Variants in WRNIP1 observed in about 807,000 individuals in gnomAD.
WRNIP1 encodes ATPase WRNIP1.
A neutral mutation model predicts 56.1 loss-of-function variants in WRNIP1; 41 were observed. The observed-to-expected ratio is 0.73, with a 90% CI of 0.57 to 0.95. The LOEUF is 0.95. Among genes scored for constraint, WRNIP1 ranks in the 40% least tolerant of loss-of-function variants. The pLI is 0.00. For synonymous variants in WRNIP1, 547 were observed against 398.1 expected (o/e 1.37, Z -4.45); for missense variants, 1,170 against 939.4 (o/e 1.25, Z -3.21).
At chr6:2,771,768 G>A (rs1343386321) in intron 3 of WRNIP1, among the ~76,000 whole-genome samples, 1 of 152,184 alleles carries the variant, frequency 6.6e-6, no homozygotes, top group Non-Finnish European at 1.5e-5. Flanking sequence ...ATACTCATGT[G>A]TAGGTTTCCC....
rs1215434430 is a variant in WRNIP1 at position 2,786,568 on chromosome 6, T to C, written c.*1286T>C. On this transcript the variant is annotated 3_prime_UTR_variant, in exon 7 of 7. Coordinates refer to ENST00000380773, the MANE Select transcript of WRNIP1 (RefSeq NM_020135.3). ...GGCACAGGTGGCATGTACCCTCTAG[T>C]AGCTTTATGGAGCAGGGGTGTGTGG... 6 of 152,280 alleles carry C rather than the reference T, an allele frequency of 3.9e-5. No homozygotes were observed. The highest frequency in any genetic ancestry group is 1.4e-4 in the African/African-American group (6 of 41,446). 9.4% of individuals were successfully genotyped at this position (152,280 alleles called of 1,614,324 possible).
chr6:2,774,492 C>T (rs980417328), intron 3 of WRNIP1, among the ~76,000 whole-genome samples: 1 of 152,200 alleles, frequency 6.6e-6, no homozygotes, highest in Non-Finnish European at 1.5e-5. Context: ...TGTGTCCTTA[C>T]GTCTTCTCTT....
At chr6:2,777,190 A>G (rs1051076152) in intron 3 of WRNIP1, among the ~76,000 whole-genome samples, 2 of 152,216 alleles carry the variant, frequency 1.3e-5, no homozygotes, top group African/African-American at 4.8e-5. Flanking sequence ...TATAATTTAT[A>G]AGAAGTAAAG....
At chr6:2,772,548 GA>G (rs1418103675) in intron 3 of WRNIP1, among the ~76,000 whole-genome samples, 20 of 152,206 alleles carry the variant, frequency 1.3e-4, no homozygotes, top group African/African-American at 4.8e-4. Flanking sequence ...CAGCATAAGG[GA>G]TAATTACCCA....
intron 3 of WRNIP1, chr6:2,774,305 A>ACTGGGTGG: frequency 1.0e-6 from 1 of 984,526 alleles, no homozygotes; most frequent in Non-Finnish European, 1.2e-6. Context: ...ATTGCCACAA[A>ACTGGGTGG]CTGGGTGGCT....
In WRNIP1 at chr6:2,785,236, C is replaced by A; in HGVS notation, c.1952C>A (p.Pro651His). The A allele has an allele frequency of 6.2e-7, 1 of 1,614,118 alleles. No individual in the cohort carries two copies. The highest frequency in any genetic ancestry group is 2.2e-5 in the East Asian group (1 of 44,878). The change falls in exon 7 of 7, where the codon CCT (proline) becomes CAT (histidine). Residue 651 changes from proline (P) to histidine (H), a missense_variant. By Grantham distance (77) the Pro-to-His change is moderately conservative. Coordinates refer to ENST00000380773, the MANE Select transcript of WRNIP1 (RefSeq NM_020135.3). ...GAGCCTGTGGATCAGGAGTACCTGCCTGAAGAGTTGAGGGGGGTAGATTTC... is the reference window on the plus strand; with the variant it reads ...GAGCCTGTGGATCAGGAGTACCTGCATGAAGAGTTGAGGGGGGTAGATTTC... Reference protein sequence around the residue: ...YSEPVDQEYLPEELRGVDFFK... With the variant: ...YSEPVDQEYLHEELRGVDFFK...
In WRNIP1 at chr6:2,785,422, G is replaced by C; in HGVS notation, c.*140G>C. ...TGCCAGAAATTTAAGAGTTCCATAG[G>C]TGGAGGCGCAGTTCTTTCGAATAAA... On this transcript the variant is annotated 3_prime_UTR_variant, in exon 7 of 7. Coordinates refer to ENST00000380773, the MANE Select transcript of WRNIP1 (RefSeq NM_020135.3). The C allele has an allele frequency of 1.1e-6, 1 of 904,168 alleles. No individual in the cohort carries two copies. 56.0% of individuals were successfully genotyped at this position (904,168 alleles called of 1,614,324 possible).
In WRNIP1 at chr6:2,785,488, C is replaced by T. The variant is rs749747750; in HGVS notation, c.*206C>T. 43 of 580,032 alleles carry T rather than the reference C, an allele frequency of 7.4e-5. No individual in the cohort carries two copies. Among genetic ancestry groups the T allele is most frequent in the Non-Finnish European group, 9.9e-5 (33 of 332,430 alleles). 35.9% of individuals were successfully genotyped at this position (580,032 alleles called of 1,614,324 possible). On this transcript the variant is annotated 3_prime_UTR_variant, in exon 7 of 7. Transcript: ENST00000380773. ...TTGTGTTCATTTGCACTCGGTGCAG[C>T]GGTTATGCTTATGAAAATACCTGGC...
chr6:2,781,062 C>A (rs1222576388), intron 4 of WRNIP1, among the ~76,000 whole-genome samples: 1 of 152,236 alleles, frequency 6.6e-6, no homozygotes, highest in African/African-American at 2.4e-5. Context: ...TGTCCTTCCC[C>A]CCGTCCGCAT....
intron 4 of WRNIP1, 47 bp from the exon 5 acceptor site, chr6:2,783,359 C>A: frequency 6.7e-7 from 1 of 1,485,332 alleles, no homozygotes; most frequent in South Asian, 1.3e-5. Context: ...ATGGCTTGGG[C>A]GCCCCTCCTG....
chr6:2,776,486 G>A (rs1378695975), intron 3 of WRNIP1, among the ~76,000 whole-genome samples: 2 of 152,216 alleles, frequency 1.3e-5, no homozygotes, highest in Non-Finnish European at 2.9e-5. Flanking sequence ...GGTAGCTTTC[G>A]TTGTGGCAGC....
intron 3 of WRNIP1, chr6:2,774,087 C>T: frequency 1.0e-6 from 1 of 985,310 alleles, no homozygotes; most frequent in Non-Finnish European, 1.2e-6. Flanking sequence ...TAGTGGAACT[C>T]CAGAATACAA....
At chr6:2,779,826 A>G (rs542689685) in intron 4 of WRNIP1, among the ~76,000 whole-genome samples, 3 of 152,342 alleles carry the variant, frequency 2.0e-5, no homozygotes, top group East Asian at 1.9e-4. Context: ...TCACTTGACA[A>G]TGAATATGTT....
At chr6:2,767,255 CAG>C (rs1391509345) in intron 1 of WRNIP1, among the ~76,000 whole-genome samples, 1 of 152,238 alleles carries the variant, frequency 6.6e-6, no homozygotes, top group Non-Finnish European at 1.5e-5. Context: ...AGCCAGAAAA[CAG>C]AGAAAGCTAA....
intron 3 of WRNIP1, 31 bp downstream of exon 3, chr6:2,770,392 C>G: frequency 6.2e-7 from 1 of 1,612,116 alleles, no homozygotes; most frequent in East Asian, 2.2e-5. Context: ...GTCCTGGGGG[C>G]ACACACCTCC....
In WRNIP1 at chr6:2,765,408, C is replaced by G. The variant is rs1298690459; in HGVS notation, c.-215C>G. On this transcript the variant is annotated 5_prime_UTR_variant, in exon 1 of 7. Coordinates refer to ENST00000380773, the MANE Select transcript of WRNIP1 (RefSeq NM_020135.3). ...GCCACGAACTACACTTCCCGACACG[C>G]CGCGTGAGGCGCTGCCAGCGGCCGG... is the stretch of plus-strand genomic sequence containing the variant. 8 of 441,004 alleles carry G rather than the reference C, an allele frequency of 1.8e-5. No homozygotes were observed. Among genetic ancestry groups the G allele is most frequent in the Admixed American group, 4.9e-5 (1 of 20,296 alleles). 27.3% of individuals were successfully genotyped at this position (441,004 alleles called of 1,614,324 possible).
rs369100725 is a variant in WRNIP1 at position 2,786,586 on chromosome 6, G to A, written c.*1304G>A. 6.6e-6 allele frequency: 1 copy of A among 152,286 alleles called. No homozygotes were observed. Among genetic ancestry groups the A allele is most frequent in the Non-Finnish European group, 1.5e-5 (1 of 68,070 alleles). The allele number at this position is 152,286 out of a possible 1,614,324, so 9.4% of individuals were successfully genotyped here. A position where few individuals can be genotyped will look rare whatever the true frequency, so the allele number is the denominator to read the frequency against. Reference sequence around the variant, plus strand: ...CCTCTAGTAGCTTTATGGAGCAGGGGTGTGTGGAGGAAAAGTATTTTTAGA... The same window carrying A: ...CCTCTAGTAGCTTTATGGAGCAGGGATGTGTGGAGGAAAAGTATTTTTAGA... On this transcript the variant is annotated 3_prime_UTR_variant, in exon 7 of 7. Transcript: ENST00000380773.
chr6:2,773,684 G>A (rs905959324), intron 3 of WRNIP1: 1 of 985,318 alleles, frequency 1.0e-6, no homozygotes, highest in Non-Finnish European at 1.2e-6. Flanking sequence ...AAGTAAGCTA[G>A]CATTTCGTCA....
chr6:2,782,139 C>T (rs968139845), intron 4 of WRNIP1, among the ~76,000 whole-genome samples: 27 of 152,252 alleles, frequency 1.8e-4, no homozygotes, highest in African/African-American at 6.3e-4. Flanking sequence ...CCCCGCCTTC[C>T]TCCACCCTGC....
Sources: gnomAD v4.1 joint callset for allele counts (sites outside exome capture counted in the v4.1 genomes callset) on GRCh38, gnomAD v4.1.1 for gene constraint, MANE v1.5 for transcripts, NCBI Gene and HGNC (gene_info 2026-07-23, HGNC 2026-07-21) for gene names.